Variants in UNC5C observed in about 807,000 individuals in gnomAD.
The protein encoded by UNC5C is unc-5 netrin receptor C, also known as netrin receptor UNC5C.
Under a neutral mutation model 99.8 loss-of-function variants are expected in UNC5C, and 47 were observed. The ratio of observed to expected loss-of-function variants is 0.47; its 90% CI spans 0.37 to 0.60. The LOEUF is 0.60. Ranked by LOEUF, UNC5C falls within the 20% of genes least tolerant of loss-of-function variation. UNC5C has a pLI of 0.00. For synonymous variants in UNC5C, 487 were observed against 452.2 expected (o/e 1.08, Z -0.98); for missense variants, 1,062 against 1,165.9 (o/e 0.91, Z 1.30).
intron 1 of UNC5C, among the ~76,000 whole-genome samples, chr4:95,467,893 T>C (rs886414305): frequency 2.0e-4 from 30 of 152,174 alleles, no homozygotes; most frequent in Admixed American, 7.9e-4. Context: ...AAAATATTAT[T>C]AAGAGCATCA....
At chr4:95,403,136 C>T (rs1350622358) in intron 1 of UNC5C, among the ~76,000 whole-genome samples, 2 of 151,660 alleles carry the variant, frequency 1.3e-5, no homozygotes, top group Non-Finnish European at 2.9e-5. Flanking sequence ...GTGTGGTAGG[C>T]AATAAAAATA....
At chr4:95,373,662 A>G (rs1478723053) in intron 1 of UNC5C, among the ~76,000 whole-genome samples, 1 of 152,180 alleles carries the variant, frequency 6.6e-6, no homozygotes, top group African/African-American at 2.4e-5. Context: ...CACAAGGTAG[A>G]CACTCAGGAA....
intron 1 of UNC5C, among the ~76,000 whole-genome samples, chr4:95,460,254 C>T (rs1245885455): frequency 6.9e-6 from 1 of 145,880 alleles, no homozygotes; most frequent in East Asian, 2.1e-4. Flanking sequence ...TTCAAGAAGT[C>T]TATCCATGTA....
intron 2 of UNC5C, among the ~76,000 whole-genome samples, chr4:95,330,292 T>C (rs1035143150): frequency 2.0e-5 from 3 of 152,102 alleles, no homozygotes; most frequent in Admixed American, 2.0e-4. Flanking sequence ...TTTTCCCAAA[T>C]TATTTTTAAT....
At chr4:95,509,206 G>GT (rs1028536423) in intron 1 of UNC5C, among the ~76,000 whole-genome samples, 3 of 151,682 alleles carry the variant, frequency 2.0e-5, no homozygotes, top group East Asian at 3.9e-4. Context: ...TTTTTTTGTA[G>GT]TTTTTTTCTA....
chr4:95,347,894 C>G (rs2149427439), intron 1 of UNC5C, among the ~76,000 whole-genome samples: 1 of 152,086 alleles, frequency 6.6e-6, no homozygotes, highest in South Asian at 2.1e-4. Context: ...GCAACCAAAG[C>G]AAAAATGGAC....
At chr4:95,348,332 A>C (rs1161736285) in intron 1 of UNC5C, among the ~76,000 whole-genome samples, 2 of 152,022 alleles carry the variant, frequency 1.3e-5, no homozygotes, top group East Asian at 3.9e-4. Context: ...AATTAGTACA[A>C]CCACTATGGA....
chr4:95,458,560 A>C (rs1040290323), intron 1 of UNC5C, among the ~76,000 whole-genome samples: 1 of 152,002 alleles, frequency 6.6e-6, no homozygotes, highest in African/African-American at 2.4e-5. Context: ...CTTCCTTACC[A>C]GAGCTAATTG....
At chr4:95,485,813 A>C (rs1162676771) in intron 1 of UNC5C, among the ~76,000 whole-genome samples, 1 of 151,680 alleles carries the variant, frequency 6.6e-6, no homozygotes, top group Non-Finnish European at 1.5e-5. Flanking sequence ...AGGGTTCTAT[A>C]AACTACATTT....
chr4:95,469,171 C>A (rs997534527), intron 1 of UNC5C, among the ~76,000 whole-genome samples: 2 of 152,056 alleles, frequency 1.3e-5, no homozygotes, highest in African/African-American at 4.8e-5. Flanking sequence ...TTCTTCGTTC[C>A]CAGACTAGGT....
chr4:95,424,075 A>G (rs1268588165), intron 1 of UNC5C, among the ~76,000 whole-genome samples: 1 of 152,236 alleles, frequency 6.6e-6, no homozygotes, highest in Non-Finnish European at 1.5e-5. Context: ...ACATGTAAAA[A>G]TGTGTCACCT....
intron 1 of UNC5C, among the ~76,000 whole-genome samples, chr4:95,367,209 A>G (rs2621461): frequency 0.15 from 22,518 of 146,842 alleles, 1,948 homozygotes; most frequent in Admixed American, 0.2. Flanking sequence ...TTTTTCAAAG[A>G]AAAATCCAGG....
At chr4:95,472,720 T>C (rs1748012609) in intron 1 of UNC5C, among the ~76,000 whole-genome samples, 1 of 152,102 alleles carries the variant, frequency 6.6e-6, no homozygotes, top group Non-Finnish European at 1.5e-5. Context: ...CAGCCAGGCA[T>C]GCCAAACAGA....
At chr4:95,182,410 G>A (rs976760276) in intron 14 of UNC5C, among the ~76,000 whole-genome samples, 17 of 152,084 alleles carry the variant, frequency 1.1e-4, no homozygotes, top group African/African-American at 4.1e-4. Flanking sequence ...TTTGAATGGA[G>A]AAGAAGAAAA....
At chr4:95,341,248 C>T (rs1261982776) in intron 1 of UNC5C, among the ~76,000 whole-genome samples, 1 of 152,088 alleles carries the variant, frequency 6.6e-6, no homozygotes, top group Non-Finnish European at 1.5e-5. Context: ...CAACAAAAGG[C>T]AGCTGGAATT....
intron 2 of UNC5C, among the ~76,000 whole-genome samples, chr4:95,330,895 T>A: frequency 6.6e-6 from 1 of 152,044 alleles, no homozygotes; most frequent in East Asian, 1.9e-4. Flanking sequence ...AAGTCAGGGC[T>A]TTTGGGGTAT....
intron 2 of UNC5C, among the ~76,000 whole-genome samples, chr4:95,319,870 G>A (rs1742615606): frequency 6.6e-6 from 1 of 152,142 alleles, no homozygotes; most frequent in Non-Finnish European, 1.5e-5. Flanking sequence ...AGAATAATGG[G>A]TACTAAGATT....
intron 1 of UNC5C, among the ~76,000 whole-genome samples, chr4:95,425,187 T>C (rs1193559067): frequency 6.6e-6 from 1 of 152,222 alleles, no homozygotes; most frequent in African/African-American, 2.4e-5. Context: ...CTTCCTACCA[T>C]AGGAAATCTA....
At chr4:95,332,837 A>G (rs1743173468) in intron 2 of UNC5C, among the ~76,000 whole-genome samples, 1 of 152,074 alleles carries the variant, frequency 6.6e-6, no homozygotes, top group Non-Finnish European at 1.5e-5. Flanking sequence ...CAAAGGGCTA[A>G]TATCCAGAAT....
Sources: allele counts gnomAD v4.1 joint callset (sites outside exome capture counted in the v4.1 genomes callset), GRCh38; gene constraint gnomAD v4.1.1; transcripts MANE v1.5; gene names NCBI Gene and HGNC (gene_info 2026-07-23, HGNC 2026-07-21).